OSBP2: variants seen among roughly 807,000 people sequenced by gnomAD.
OSBP2 encodes oxysterol binding protein 2.
A neutral mutation model predicts 96.0 loss-of-function variants in OSBP2; 66 were observed. That is an observed-to-expected ratio of 0.69 (90% CI 0.56 to 0.84). OSBP2 has a LOEUF of 0.84. OSBP2 is among the 40% of genes least tolerant of loss of function. The probability of loss-of-function intolerance (pLI) is 0.00; values close to 1 mark genes in which losing one functional copy is unlikely to be tolerated. For missense variants in OSBP2, 1,038 were observed against 1,222.7 expected (o/e 0.85, Z 2.25); for synonymous variants, 525 against 520.9 (o/e 1.01, Z -0.11).
intron 1 of OSBP2, among the ~76,000 whole-genome samples, chr22:30,734,762 G>A (rs2089825875): frequency 6.6e-6 from 1 of 152,208 alleles, no homozygotes; most frequent in South Asian, 2.1e-4. Flanking sequence ...AAATGAAAGA[G>A]AAGAGCAGAG....
rs780200933 is a variant in OSBP2, at chr22:30,905,921, C to T, written c.2460C>T (p.Ser820=). Residue 820 remains serine, a synonymous_variant, in exon 13 of 14, where the codon AGC becomes AGT. Coordinates refer to ENST00000332585, the MANE Select transcript of OSBP2 (RefSeq NM_030758.4). ...AGGAGGGCGTAGCGCCAACCGACAGCCGCCTGCGGCCCGACCAGCGGCTGA... is the reference window on the plus strand; with the variant it reads ...AGGAGGGCGTAGCGCCAACCGACAGTCGCCTGCGGCCCGACCAGCGGCTGA... The part of the protein sequence containing the change: ...EHEEGVAPTD[S]RLRPDQRLME... 10 of 1,612,968 alleles carry T rather than the reference C, an allele frequency of 6.2e-6. No homozygotes were observed. The highest frequency in any genetic ancestry group is 6.8e-6 in the Non-Finnish European group (8 of 1,179,618).
At chr22:30,716,461 A>G (rs977856902) in intron 1 of OSBP2, among the ~76,000 whole-genome samples, 5 of 150,444 alleles carry the variant, frequency 3.3e-5, no homozygotes, top group Admixed American at 2.7e-4. Flanking sequence ...TTTTTGAGAC[A>G]GAGTCTCACA....
intron 1 of OSBP2, among the ~76,000 whole-genome samples, chr22:30,711,831 C>T (rs1035986787): frequency 6.6e-6 from 1 of 152,002 alleles, no homozygotes; most frequent in Non-Finnish European, 1.5e-5. Flanking sequence ...CTGAAGCCCA[C>T]CATGGTGTCT....
chr22:30,895,552 T>G (rs74817717), intron 12 of OSBP2, among the ~76,000 whole-genome samples: 83,562 of 151,998 alleles, frequency 0.55, 23,360 homozygotes, highest in East Asian at 0.75. Flanking sequence ...TTCTACTTTC[T>G]AATTTTGTAT....
chr22:30,722,864 G>A (rs2089576349), intron 1 of OSBP2, among the ~76,000 whole-genome samples: 1 of 147,078 alleles, frequency 6.8e-6, no homozygotes, highest in Admixed American at 6.9e-5. Flanking sequence ...AGTTCACTGC[G>A]GCTTTTACCT....
At chr22:30,694,764 G>GGCGGGCGCGGGGCGC (rs1209967784), upstream of OSBP2, 5 of 558,576 alleles carry the variant, frequency 9.0e-6, no homozygotes, top group African/African-American at 6.1e-5. Context: ...GGCGGGCGCT[G>GGCGGGCGCGGGGCGC]ACGGGCACGG....
rs772979731 is a variant in OSBP2 at position 30,695,363 on chromosome 22, C to T, written c.454C>T (p.Leu152Phe). Residue 152 changes from leucine (L) to phenylalanine (F), a missense_variant, in exon 1 of 14, where the codon CTT becomes TTT. Coordinates refer to ENST00000332585, the MANE Select transcript of OSBP2 (RefSeq NM_030758.4). ...GCTGCCAGCGTTAAAGCCCCTGCCT[C>T]TTCTGCGACCAGGACAGGCGAAGAC... Reference protein sequence around the residue: ...GSLPALKPLPLLRPGQAKTPL... With the variant: ...GSLPALKPLPFLRPGQAKTPL... 1.2e-6 allele frequency: 2 copies of T among 1,613,904 alleles called. No homozygotes were observed. Among genetic ancestry groups the T allele is most frequent in the Admixed American group, 3.3e-5 (2 of 60,034 alleles).
chr22:30,780,130 T>C (rs1190025264), intron 2 of OSBP2, among the ~76,000 whole-genome samples: 1 of 152,254 alleles, frequency 6.6e-6, no homozygotes, highest in East Asian at 1.9e-4. Context: ...TGTTCAGTCC[T>C]TGAGGGGCCC....
At chr22:30,858,879 C>CAATAATAATAATAATAATAAT (rs137975802) in intron 2 of OSBP2, among the ~76,000 whole-genome samples, 4,945 of 141,362 alleles carry the variant, frequency 0.035, 129 homozygotes, top group Non-Finnish European at 0.05. Context: ...GACTCTGTCT[C>CAATAATAATAATAATAATAAT]AATAATAATA....
Position 30,741,226 on chromosome 22 carries a change from C to A in OSBP2, c.710C>A (p.Thr237Lys). Residue 237 changes from threonine to lysine, a missense_variant, in exon 2 of 14, where the codon ACG becomes AAG. Around this residue, in one of 3 missense-constraint regions of OSBP2, gnomAD observed 737 missense variants for 913.3 expected, o/e 0.81. Coordinates refer to ENST00000332585, the MANE Select transcript of OSBP2 (RefSeq NM_030758.4). ...AACCTGTCCACCGCGCACATTGACA[C>A]GGAGGACTCTTGTGGTATCTTGCTG... ...TINLSTAHID[T>K]EDSCGILLTS... 6.2e-7 allele frequency: 1 copy of A among 1,614,134 alleles called. No homozygotes were observed. The highest frequency in any genetic ancestry group is 8.5e-7 in the Non-Finnish European group (1 of 1,180,020).
chr22:30,797,714 C>T (rs1458176531), intron 2 of OSBP2, among the ~76,000 whole-genome samples: 1 of 152,086 alleles, frequency 6.6e-6, no homozygotes, highest in Non-Finnish European at 1.5e-5. Flanking sequence ...ACCTCAGCCT[C>T]CTGAGTAACT....
At chr22:30,821,243 C>T (rs182339086) in intron 2 of OSBP2, among the ~76,000 whole-genome samples, 74 of 152,250 alleles carry the variant, frequency 4.9e-4, no homozygotes, top group African/African-American at 1.7e-3. Flanking sequence ...AGAGTGTCAG[C>T]GTCTGACATA....
chr22:30,858,726 A>C (rs1271424301), intron 2 of OSBP2, among the ~76,000 whole-genome samples: 1 of 151,400 alleles, frequency 6.6e-6, no homozygotes, highest in Non-Finnish European at 1.5e-5. Context: ...TAAAAATACA[A>C]AAATTAGCCA....
chr22:30,723,162 A>G (rs140936978), intron 1 of OSBP2, among the ~76,000 whole-genome samples: 46 of 152,204 alleles, frequency 3.0e-4, no homozygotes, highest in African/African-American at 1.0e-3. Flanking sequence ...GCTGGAGTGC[A>G]GTGGCACAAT....
chr22:30,720,355 G>A (rs2145702493), intron 1 of OSBP2, among the ~76,000 whole-genome samples: 1 of 152,300 alleles, frequency 6.6e-6, no homozygotes, highest in East Asian at 1.9e-4. Flanking sequence ...ACTGGCTGGA[G>A]ACTCCACTTC....
intron 2 of OSBP2, among the ~76,000 whole-genome samples, chr22:30,831,038 G>C (rs1334226259): frequency 6.6e-6 from 1 of 152,214 alleles, no homozygotes; most frequent in East Asian, 1.9e-4. Flanking sequence ...GCCAACTGCT[G>C]CCTGAGCATC....
chr22:30,879,279 G>A (rs998843845), intron 3 of OSBP2, among the ~76,000 whole-genome samples: 1 of 152,230 alleles, frequency 6.6e-6, no homozygotes, highest in Non-Finnish European at 1.5e-5. Context: ...CAGGGCCTGG[G>A]GAGATGGGTA....
chr22:30,898,276 C>T (rs544669660), intron 12 of OSBP2, among the ~76,000 whole-genome samples: 1 of 151,850 alleles, frequency 6.6e-6, no homozygotes, highest in East Asian at 2.0e-4. Context: ...TCACTTGAGC[C>T]CAGGAGGTCG....
Position 30,887,453 on chromosome 22 carries a change from G to A in OSBP2, c.1135G>A (p.Glu379Lys), listed in dbSNP as rs749694033. 1.9e-6 allele frequency: 3 copies of A among 1,613,870 alleles called. No individual in the cohort carries two copies. Among genetic ancestry groups the A allele is most frequent in the Non-Finnish European group, 2.5e-6 (3 of 1,180,014 alleles). ...CTGCAGGGACTTCTTGGAACTAGCA[G>A]AGATACACAGTCGGAAATGGCAGCG... ...NACRDFLELA[E>K]IHSRKWQRAL... Residue 379 changes from glutamate to lysine, a missense_variant, in exon 4 of 14, where the codon GAG becomes AAG. Physicochemically the swap from Glu to Lys is moderately conservative, Grantham distance 56. Around this residue, in one of 3 missense-constraint regions of OSBP2, gnomAD observed 737 missense variants for 913.3 expected, o/e 0.81. Transcript: ENST00000332585.
Sources: allele counts gnomAD v4.1 joint callset (sites outside exome capture counted in the v4.1 genomes callset), GRCh38; gene constraint gnomAD v4.1.1; regional missense constraint gnomAD v4.1.1; transcripts MANE v1.5; gene names NCBI Gene and HGNC (gene_info 2026-07-23, HGNC 2026-07-21).